The following MSI2 variants were observed in gnomAD, a reference collection of about 807,000 sequenced individuals.
The protein encoded by MSI2 is musashi RNA binding protein 2.
A neutral mutation model predicts 45.6 loss-of-function variants in MSI2; 17 were observed. That is an observed-to-expected ratio of 0.37 (90% CI 0.26 to 0.56). MSI2 has a LOEUF of 0.56. Among genes scored for constraint, MSI2 ranks in the 20% least tolerant of loss-of-function variants. The probability of loss-of-function intolerance (pLI) is 0.77; values close to 1 mark genes in which losing one functional copy is unlikely to be tolerated. For synonymous variants in MSI2, 156 were observed against 158.2 expected, an observed-to-expected ratio of 0.99 and a Z score of 0.11; for missense variants, 293 against 444.2, an observed-to-expected ratio of 0.66 and a Z score of 3.06.
chr17:57,598,029 T>C (rs920471651), intron 8 of MSI2, among the ~76,000 whole-genome samples: 1 of 151,722 alleles, frequency 6.6e-6, no homozygotes, highest in East Asian at 1.9e-4. Flanking sequence ...ATATCATGCA[T>C]AGCATTTGCA....
intron 5 of MSI2, among the ~76,000 whole-genome samples, chr17:57,359,034 A>G (rs2143888227): frequency 6.6e-6 from 1 of 152,256 alleles, no homozygotes; most frequent in Non-Finnish European, 1.5e-5. Flanking sequence ...GAGAATGGGA[A>G]CTGTTCAGCA....
chr17:57,287,022 A>G (rs1295624598), intron 5 of MSI2, among the ~76,000 whole-genome samples: 2 of 152,084 alleles, frequency 1.3e-5, no homozygotes, highest in African/African-American at 4.8e-5. Context: ...GAGAGTTTTG[A>G]AGCCACATTT....
At chr17:57,393,672 GTTTA>G (rs557844368) in intron 5 of MSI2, among the ~76,000 whole-genome samples, 50 of 152,026 alleles carry the variant, frequency 3.3e-4, no homozygotes, top group African/African-American at 9.2e-4. Flanking sequence ...CACTATGTTT[GTTTA>G]TTTATTTATT....
chr17:57,559,820 A>G (rs971319050), intron 7 of MSI2, among the ~76,000 whole-genome samples: 1 of 152,274 alleles, frequency 6.6e-6, no homozygotes, highest in Non-Finnish European at 1.5e-5. Flanking sequence ...GAGTCTGGCC[A>G]CAATGGCCAA....
chr17:57,471,377 G>A (rs912098361), intron 6 of MSI2, among the ~76,000 whole-genome samples: 27 of 137,150 alleles, frequency 2.0e-4, no homozygotes, highest in African/African-American at 6.7e-4. Flanking sequence ...TGCAACCTCC[G>A]CCTCCTGGGT....
chr17:57,686,473 A>C (rs548874118), downstream of MSI2, among the ~76,000 whole-genome samples: 1 of 152,358 alleles, frequency 6.6e-6, no homozygotes, highest in South Asian at 2.1e-4. Context: ...TATCATTACA[A>C]AATAGATGTG....
chr17:57,275,170 G>A lies in MSI2; in HGVS notation c.312+12978G>A, dbSNP rs117179592. Among the ~76,000 whole-genome samples the A allele has an allele frequency of 5.3e-5, 8 of 152,298 alleles. No individual in the cohort carries two copies. In the East Asian group the frequency reaches 1.3e-3, roughly 26 times the overall value. ...ATCCACATGCCAAAGGGCTGTTTTA[G>A]CAACTTCATTTCACAAAAGCCACAT... is the stretch of plus-strand genomic sequence containing the variant. On this transcript the variant is annotated intron_variant, in intron 5 of 13. Transcript: ENST00000284073.
intron 7 of MSI2, among the ~76,000 whole-genome samples, chr17:57,548,085 CT>C (rs1417720621): frequency 6.6e-6 from 1 of 152,154 alleles, no homozygotes; most frequent in African/African-American, 2.4e-5. Flanking sequence ...TGTGGACGCT[CT>C]TTAGTACGCA....
chr17:57,406,009 T>C (rs916652851), intron 6 of MSI2, among the ~76,000 whole-genome samples: 1 of 152,176 alleles, frequency 6.6e-6, no homozygotes, highest in African/African-American at 2.4e-5. Context: ...CCTTCGCCTC[T>C]TTTTACTTTT....
intron 5 of MSI2, among the ~76,000 whole-genome samples, chr17:57,395,857 G>T (rs769133193): frequency 2.0e-5 from 3 of 152,220 alleles, no homozygotes; most frequent in Non-Finnish European, 4.4e-5. Context: ...GCCTGGGAAA[G>T]CTGTCCTCCT....
At chr17:57,377,628 C>T (rs1172061674) in intron 5 of MSI2, among the ~76,000 whole-genome samples, 8 of 152,176 alleles carry the variant, frequency 5.3e-5, no homozygotes, top group Non-Finnish European at 4.4e-5. Flanking sequence ...CTGGATTCTG[C>T]AAATGGCAGA....
At chr17:57,299,050 C>T (rs59510929) in intron 5 of MSI2, among the ~76,000 whole-genome samples, 3,528 of 152,308 alleles carry the variant, frequency 0.023, 147 homozygotes, top group African/African-American at 0.08. Flanking sequence ...TTATGTCAAA[C>T]AAATGGCTTC....
At chr17:57,317,199 C>G (rs1050014384) in intron 5 of MSI2, among the ~76,000 whole-genome samples, 1 of 152,126 alleles carries the variant, frequency 6.6e-6, no homozygotes, top group African/African-American at 2.4e-5. Context: ...CATATGCACT[C>G]GATTAGCCAC....
At chr17:57,395,025 A>C (rs973324269) in intron 5 of MSI2, among the ~76,000 whole-genome samples, 1 of 152,210 alleles carries the variant, frequency 6.6e-6, no homozygotes, top group Non-Finnish European at 1.5e-5. Context: ...TGGAGGCTCC[A>C]TGGGAAAAAC....
At chr17:57,484,293 T>C (rs277075) in intron 6 of MSI2, among the ~76,000 whole-genome samples, 128,985 of 152,126 alleles carry the variant, frequency 0.85, 54,778 homozygotes, top group East Asian at 0.93. Flanking sequence ...CACCTTTAGG[T>C]GAGTGGGTCC....
At chr17:57,678,849 G>A (rs1354481224) in intron 13 of MSI2, among the ~76,000 whole-genome samples, 1 of 152,230 alleles carries the variant, frequency 6.6e-6, no homozygotes, top group Non-Finnish European at 1.5e-5. Flanking sequence ...CAGCACTTAG[G>A]AAGGACTGGT....
intron 6 of MSI2, among the ~76,000 whole-genome samples, chr17:57,423,738 G>C (rs2084438780): frequency 6.6e-6 from 1 of 151,994 alleles, no homozygotes. Context: ...TACCCACCCA[G>C]CGTTTTGCAT....
chr17:57,424,753 C>T (rs1431828694), intron 6 of MSI2, among the ~76,000 whole-genome samples: 5 of 152,024 alleles, frequency 3.3e-5, no homozygotes, highest in African/African-American at 7.2e-5. Flanking sequence ...TCTGCCTTCT[C>T]GGGGTGCCTG....
intron 6 of MSI2, among the ~76,000 whole-genome samples, chr17:57,468,650 G>A (rs1201348245): frequency 6.6e-6 from 1 of 152,044 alleles, no homozygotes; most frequent in African/African-American, 2.4e-5. Context: ...CAAGAATCCT[G>A]GCTTCTGAGA....
Sources: allele counts gnomAD v4.1 joint callset (sites outside exome capture counted in the v4.1 genomes callset), GRCh38; gene constraint gnomAD v4.1.1; transcripts MANE v1.5; gene names NCBI Gene and HGNC (gene_info 2026-07-23, HGNC 2026-07-21).